The following CELF1 variants were observed in gnomAD, a reference collection of about 807,000 sequenced individuals.
CELF1 encodes the protein CUGBP Elav-like family member 1, also known as 50 kDa nuclear polyadenylated RNA-binding protein.
In CELF1, 10 loss-of-function variants were observed where a neutral mutation model predicts 61.8. That is an observed-to-expected ratio of 0.16 (90% CI 0.10 to 0.27). The LOEUF (loss-of-function observed/expected upper bound fraction) is 0.27, where lower values mean the gene tolerates loss of function less well. Among genes scored for constraint, CELF1 ranks in the 10% least tolerant of loss-of-function variants. The probability of loss-of-function intolerance (pLI) is 1.00; values close to 1 mark genes in which losing one functional copy is unlikely to be tolerated. For synonymous variants in CELF1, 236 were observed against 225.1 expected (o/e 1.05, Z -0.43); for missense variants, 380 against 639.1 (o/e 0.59, Z 4.37).
chr11:47,532,385 C>T (rs1377257395), intron 1 of CELF1, among the ~76,000 whole-genome samples: 1 of 152,192 alleles, frequency 6.6e-6, no homozygotes, highest in African/African-American at 2.4e-5. Flanking sequence ...GGGGAATCCA[C>T]ATAAAACTAT....
At chr11:47,500,121 A>C (rs1565832153) in intron 2 of CELF1, among the ~76,000 whole-genome samples, 1 of 152,240 alleles carries the variant, frequency 6.6e-6, no homozygotes, top group Non-Finnish European at 1.5e-5. Context: ...AGCAGGCCAG[A>C]GGCAAACTGG....
intron 1 of CELF1, among the ~76,000 whole-genome samples, chr11:47,502,474 A>C (rs2094020739): frequency 6.6e-6 from 1 of 152,174 alleles, no homozygotes; most frequent in African/African-American, 2.4e-5. Context: ...AGTAGAATTA[A>C]AAGAAAGTTA....
chr11:47,535,679 CAA>C (rs111271894), intron 1 of CELF1, among the ~76,000 whole-genome samples: 24 of 94,932 alleles, frequency 2.5e-4, no homozygotes, highest in Admixed American at 4.4e-4. Flanking sequence ...AACCCCATCT[CAA>C]AAAAAAAAAA....
At chr11:47,484,287 C>T in intron 7 of CELF1, 102 bp downstream of exon 7, 1 of 1,316,776 alleles carries the variant, frequency 7.6e-7, no homozygotes, top group Non-Finnish European at 1.1e-6. Flanking sequence ...TGCACTCCAG[C>T]CTGGGTGAGA....
chr11:47,517,738 C>T (rs531535122), intron 1 of CELF1, among the ~76,000 whole-genome samples: 4 of 152,076 alleles, frequency 2.6e-5, no homozygotes, highest in Non-Finnish European at 4.4e-5. Flanking sequence ...CTGCAACCTC[C>T]GCCTCCCGGG....
chr11:47,496,735 G>C (rs192658154), intron 3 of CELF1, among the ~76,000 whole-genome samples: 1 of 152,074 alleles, frequency 6.6e-6, no homozygotes, highest in African/African-American at 2.4e-5. Flanking sequence ...CATCAGAAGG[G>C]AGAAAAAGGA....
chr11:47,486,260 C>G (rs2086987786), intron 6 of CELF1, among the ~76,000 whole-genome samples: 1 of 151,718 alleles, frequency 6.6e-6, no homozygotes, highest in African/African-American at 2.4e-5. Flanking sequence ...CAAGTATATT[C>G]CAGTTCATTC....
chr11:47,552,013 TAAA>T (rs78697230), intron 1 of CELF1, among the ~76,000 whole-genome samples: 15 of 127,160 alleles, frequency 1.2e-4, no homozygotes, highest in Non-Finnish European at 1.7e-4. Flanking sequence ...AACTCCGTCT[TAAA>T]AAAAAAAAAA....
At chr11:47,548,636 C>T (rs1297621286) in intron 1 of CELF1, among the ~76,000 whole-genome samples, 3 of 151,970 alleles carry the variant, frequency 2.0e-5, no homozygotes, top group East Asian at 1.9e-4. Context: ...GAGGTCGAGG[C>T]GGGCGGATCA....
chr11:47,545,867 CTGCGTGTGTGTGTGTG>C (rs1383061521), intron 1 of CELF1, among the ~76,000 whole-genome samples: 11 of 121,616 alleles, frequency 9.0e-5, no homozygotes, highest in Non-Finnish European at 1.5e-4. Flanking sequence ...GTGTGTGTGT[CTGCGTGTGTGTGTGTG>C]TGTGTGTGTG....
chr11:47,541,248 A>C (rs1700277023), intron 1 of CELF1, among the ~76,000 whole-genome samples: 1 of 152,210 alleles, frequency 6.6e-6, no homozygotes, highest in Non-Finnish European at 1.5e-5. Flanking sequence ...GTCACCTCAC[A>C]TTATCACCAA....
At chr11:47,554,364 C>T (rs2097197018), upstream of CELF1, among the ~76,000 whole-genome samples, 1 of 152,042 alleles carries the variant, frequency 6.6e-6, no homozygotes, top group African/African-American at 2.4e-5. Flanking sequence ...ATTTATAGAC[C>T]ATTATAGCTT....
intron 1 of CELF1, among the ~76,000 whole-genome samples, chr11:47,530,749 G>A (rs955746165): frequency 3.3e-5 from 5 of 152,102 alleles, no homozygotes; most frequent in African/African-American, 1.2e-4. Context: ...GAGACCAGGA[G>A]TTTAAGACCA....
intron 3 of CELF1, among the ~76,000 whole-genome samples, chr11:47,492,810 T>C (rs553982157): frequency 6.6e-6 from 1 of 152,248 alleles, no homozygotes; most frequent in Non-Finnish European, 1.5e-5. Context: ...TTACCAGTTG[T>C]AATAGCATTT....
chr11:47,548,410 A>G (rs2097038938), intron 1 of CELF1, among the ~76,000 whole-genome samples: 1 of 152,256 alleles, frequency 6.6e-6, no homozygotes, highest in South Asian at 2.1e-4. Flanking sequence ...TTTCATGGAT[A>G]TGACACCAAG....
At chr11:47,508,209 G>C (rs1263140915) in intron 1 of CELF1, among the ~76,000 whole-genome samples, 1 of 152,150 alleles carries the variant, frequency 6.6e-6, no homozygotes, top group Non-Finnish European at 1.5e-5. Context: ...ATGGTAGACA[G>C]CAAGTTAAAT....
At chr11:47,547,166 A>G (rs765817479) in intron 1 of CELF1, among the ~76,000 whole-genome samples, 3 of 151,784 alleles carry the variant, frequency 2.0e-5, no homozygotes, top group Non-Finnish European at 2.9e-5. Flanking sequence ...TGCTATAAAC[A>G]GTGATTTGGA....
chr11:47,538,798 G>C (rs577962741), intron 1 of CELF1, among the ~76,000 whole-genome samples: 98 of 152,102 alleles, frequency 6.4e-4, no homozygotes, highest in Non-Finnish European at 1.1e-3. Flanking sequence ...AATCACGTTA[G>C]AAGCGCTAAA....
chr11:47,529,264 G>T (rs2096377112), intron 1 of CELF1, among the ~76,000 whole-genome samples: 1 of 139,558 alleles, frequency 7.2e-6, no homozygotes, highest in South Asian at 2.3e-4. Context: ...TTGGAGCAAA[G>T]AAAGTAGGAG....
Sources: gnomAD v4.1 joint callset for allele counts (sites outside exome capture counted in the v4.1 genomes callset) on GRCh38, gnomAD v4.1.1 for gene constraint, MANE v1.5 for transcripts, NCBI Gene and HGNC (gene_info 2026-07-23, HGNC 2026-07-21) for gene names.